Variants in PALM2AKAP2 observed in about 807,000 individuals in gnomAD.
The protein encoded by PALM2AKAP2 is PALM2-AKAP2 fusion protein.
Under a neutral mutation model 71.5 loss-of-function variants are expected in PALM2AKAP2, and 37 were observed. That is an observed-to-expected ratio of 0.52 (90% CI 0.40 to 0.68). The LOEUF (loss-of-function observed/expected upper bound fraction) is 0.68. Among genes scored for constraint, PALM2AKAP2 ranks in the 30% least tolerant of loss-of-function variants. PALM2AKAP2 has a pLI of 0.00. For missense variants in PALM2AKAP2, 1,224 were observed against 1,191.8 expected (o/e 1.03, Z -0.40); for synonymous variants, 468 against 478.8 (o/e 0.98, Z 0.29).
At chr9:109,932,214 C>T (rs1831120588) in intron 6 of PALM2AKAP2, among the ~76,000 whole-genome samples, 186 bp downstream of exon 6, 2 of 152,352 alleles carry the variant, frequency 1.3e-5, no homozygotes, top group African/African-American at 4.8e-5. Context: ...AACTGAGGAC[C>T]AAATGGGAAG....
chr9:109,993,456 TATCAC>T (rs1196499854), intron 6 of PALM2AKAP2, among the ~76,000 whole-genome samples: 4 of 152,228 alleles, frequency 2.6e-5, no homozygotes, highest in South Asian at 2.1e-4. Flanking sequence ...CACGTGCATT[TATCAC>T]ATGCCCATCC....
At chr9:110,144,846 A>C (rs59539984) in intron 2 of PALM2AKAP2, among the ~76,000 whole-genome samples, 1 of 151,982 alleles carries the variant, frequency 6.6e-6, no homozygotes, top group South Asian at 2.1e-4. Context: ...ACCTGTAATA[A>C]TATTCTTTTT....
chr9:109,673,234 G>A (rs1437753740), intron 1 of PALM2AKAP2, among the ~76,000 whole-genome samples: 2 of 152,074 alleles, frequency 1.3e-5, no homozygotes, highest in Non-Finnish European at 1.5e-5. Context: ...AATTTTTGAT[G>A]TGGGCATTTA....
chr9:109,987,187 T>C (rs768579608), intron 6 of PALM2AKAP2, among the ~76,000 whole-genome samples: 10 of 152,140 alleles, frequency 6.6e-5, no homozygotes, highest in South Asian at 2.1e-4. Context: ...CTGGAGTACA[T>C]TGGCATGGTC....
intron 1 of PALM2AKAP2, among the ~76,000 whole-genome samples, chr9:109,701,356 A>G (rs1157793190): frequency 5.3e-5 from 8 of 152,256 alleles, no homozygotes; most frequent in East Asian, 3.8e-4. Flanking sequence ...CTACAAGGCT[A>G]TAGTAACCAA....
intron 1 of PALM2AKAP2, among the ~76,000 whole-genome samples, chr9:109,828,032 G>T (rs1220329380): frequency 1.3e-5 from 2 of 151,904 alleles, no homozygotes; most frequent in Non-Finnish European, 2.9e-5. Flanking sequence ...CTGTGTGCTG[G>T]GTGAGTACTT....
rs185022581 is a variant in PALM2AKAP2, at chr9:109,806,005, C to G, written c.45+25472C>G. On this transcript the variant is annotated intron_variant, in intron 1 of 9. Coordinates refer to the PALM2AKAP2 transcript ENST00000302798. ...AAAAGCTCTATCTTGGGTTTGAGACCAGCCATTACCTGGGTCAGGCCCACA... is the reference window on the plus strand; with the variant it reads ...AAAAGCTCTATCTTGGGTTTGAGACGAGCCATTACCTGGGTCAGGCCCACA... 1.6e-3 allele frequency among the ~76,000 whole-genome samples: 249 copies of G among 152,250 alleles called. 3 individuals carry two copies. Among genetic ancestry groups the G allele is most frequent in the Non-Finnish European group, 2.1e-4 (14 of 68,014 alleles).
At chr9:109,649,268 T>C (rs1462357082) in intron 1 of PALM2AKAP2, among the ~76,000 whole-genome samples, 2 of 152,200 alleles carry the variant, frequency 1.3e-5, no homozygotes, top group East Asian at 3.8e-4. Context: ...CTATTTGTTC[T>C]GTTATCTACC....
At chr9:109,779,758 C>A (rs951137350), upstream of PALM2AKAP2, among the ~76,000 whole-genome samples, 1 of 152,202 alleles carries the variant, frequency 6.6e-6, no homozygotes, top group Non-Finnish European at 1.5e-5. Context: ...TTGGGCAAGG[C>A]AGCCCTTCCC....
chr9:109,943,211 T>C, intron 6 of PALM2AKAP2: 1 of 1,614,154 alleles, frequency 6.2e-7, no homozygotes, highest in Non-Finnish European at 8.5e-7. Context: ...GCTGAATTGG[T>C]CCTCATTGAT....
intron 1 of PALM2AKAP2, among the ~76,000 whole-genome samples, chr9:109,687,276 G>T (rs949558145): frequency 6.6e-6 from 1 of 152,296 alleles, no homozygotes; most frequent in Admixed American, 6.5e-5. Flanking sequence ...TTGAAGTCAT[G>T]CATTGACTTC....
At chr9:109,861,102 C>T (rs1244506358) in intron 1 of PALM2AKAP2, among the ~76,000 whole-genome samples, 1 of 152,188 alleles carries the variant, frequency 6.6e-6, no homozygotes, top group Admixed American at 6.5e-5. Context: ...GAGGTATCAG[C>T]GCAAGCTAGA....
chr9:110,069,608 C>T (rs1222335202), intron 1 of PALM2AKAP2, among the ~76,000 whole-genome samples: 1 of 152,168 alleles, frequency 6.6e-6, no homozygotes, highest in African/African-American at 2.4e-5. Context: ...CCTCTGTCAG[C>T]TCTGAGATTA....
At chr9:110,055,173 T>C (rs1833807063) in intron 1 of PALM2AKAP2, among the ~76,000 whole-genome samples, 1 of 151,492 alleles carries the variant, frequency 6.6e-6, no homozygotes, top group Non-Finnish European at 1.5e-5. Flanking sequence ...TTTTTTAGTT[T>C]TTTTTTTTAA....
intron 6 of PALM2AKAP2, among the ~76,000 whole-genome samples, chr9:110,006,324 C>CTTTCTTTCTTTCTT (rs781207805): frequency 6.2e-4 from 63 of 102,212 alleles, no homozygotes; most frequent in African/African-American, 2.3e-3. Flanking sequence ...TTCCTTCCTT[C>CTTTCTTTCTTTCTT]TCTTTCTTTC....
At chr9:109,737,084 A>G (rs1828647993) in intron 1 of PALM2AKAP2, among the ~76,000 whole-genome samples, 1 of 152,254 alleles carries the variant, frequency 6.6e-6, no homozygotes. Context: ...CATCTAGGAA[A>G]GTCTTTGCCA....
chr9:109,706,896 C>A (rs1828153498), intron 1 of PALM2AKAP2, among the ~76,000 whole-genome samples: 1 of 152,096 alleles, frequency 6.6e-6, no homozygotes, highest in Admixed American at 6.5e-5. Context: ...TTTCCTAGAG[C>A]TGAGTGTGGG....
At chr9:109,787,481 A>G (rs994959389) in intron 1 of PALM2AKAP2, among the ~76,000 whole-genome samples, 2 of 152,224 alleles carry the variant, frequency 1.3e-5, no homozygotes, top group Non-Finnish European at 2.9e-5. Flanking sequence ...TGAGTTTTCA[A>G]TGCATGAAGA....
chr9:110,035,376 A>ATATACG (rs1833372843), intron 7 of PALM2AKAP2, among the ~76,000 whole-genome samples: 1 of 65,486 alleles, frequency 1.5e-5, no homozygotes, highest in African/African-American at 1.4e-4. Context: ...TATTATATAC[A>ATATACG]TATATTATAT....
Sources: gnomAD v4.1 joint callset for allele counts (sites outside exome capture counted in the v4.1 genomes callset) on GRCh38, gnomAD v4.1.1 for gene constraint, MANE v1.5 for transcripts, NCBI Gene and HGNC (gene_info 2026-07-23, HGNC 2026-07-21) for gene names.